GPC5: variants seen among roughly 807,000 people sequenced by gnomAD.
GPC5 encodes the protein glypican 5.
GPC5 carries 47 observed loss-of-function variants against 53.9 expected under a neutral mutation model. The ratio of observed to expected loss-of-function variants is 0.87; its 90% CI spans 0.69 to 1.11. GPC5 has a LOEUF of 1.11. GPC5 is among the 50% of genes most tolerant of loss of function. The pLI is 0.00. For synonymous variants in GPC5, 286 were observed against 263.3 expected (o/e 1.09, Z -0.84); for missense variants, 748 against 713.1 (o/e 1.05, Z -0.56).
At chr13:91,689,184 A>AATATATATATATATAT (rs1169911890) in intron 2 of GPC5, among the ~76,000 whole-genome samples, 2 of 49,588 alleles carry the variant, frequency 4.0e-5, no homozygotes, top group Non-Finnish European at 7.6e-5. Context: ...ATCATATATA[A>AATATATATATATATAT]ATATATATAT....
At chr13:91,922,397 C>T (rs9515990) in intron 6 of GPC5, among the ~76,000 whole-genome samples, 101,021 of 151,930 alleles carry the variant, frequency 0.66, 33,950 homozygotes, top group African/African-American at 0.74. Flanking sequence ...CTTCTAATTG[C>T]TCCCCTTGTC....
At chr13:92,230,515 A>G (rs2042522199) in intron 7 of GPC5, among the ~76,000 whole-genome samples, 2 of 152,166 alleles carry the variant, frequency 1.3e-5, no homozygotes, top group Admixed American at 1.3e-4. Context: ...CTACTTCTTG[A>G]CAAATTTTAA....
At position 92,499,874 on chromosome 13, in the gene GPC5, C is replaced by A. The variant is rs569478477; in HGVS notation, c.1561+354885C>A. 9.9e-5 allele frequency among the ~76,000 whole-genome samples: 15 copies of A among 152,220 alleles called. No homozygotes were observed. The East Asian group carries it at 2.7e-3, about 27-fold the overall frequency. The stretch of plus-strand genomic sequence containing the variant: ...CTTTGACTCAATTTTTACCTACATG[C>A]AACTATGAATCAAACTTTATCCATC... On this transcript the variant is annotated intron_variant, in intron 7 of 7. Coordinates refer to ENST00000377067, the MANE Select transcript of GPC5 (RefSeq NM_004466.6).
intron 2 of GPC5, among the ~76,000 whole-genome samples, chr13:91,571,886 C>CGTGTGTGTATATATACACACATATACGT (rs138515249): frequency 1.5e-5 from 1 of 64,982 alleles, no homozygotes; most frequent in African/African-American, 1.3e-4. Flanking sequence ...CACACATATA[C>CGTGTGTGTATATATACACACATATACGT]GTGTGTATAT....
intron 2 of GPC5, among the ~76,000 whole-genome samples, chr13:91,527,272 G>A (rs1476413120): frequency 6.6e-6 from 1 of 152,224 alleles, no homozygotes; most frequent in Non-Finnish European, 1.5e-5. Context: ...TACAGGCATT[G>A]GGTAAATGTT....
intron 7 of GPC5, among the ~76,000 whole-genome samples, chr13:92,719,146 A>G (rs1280735796): frequency 6.6e-6 from 1 of 151,870 alleles, no homozygotes; most frequent in Admixed American, 6.6e-5. Flanking sequence ...ATGTATTTGA[A>G]ATACATAGAT....
At position 91,775,414 on chromosome 13, in the gene GPC5, A is replaced by G. The variant is rs567084911; in HGVS notation, c.1280+18994A>G. Among the ~76,000 whole-genome samples, 8 of 151,984 alleles carry G rather than the reference A, an allele frequency of 5.3e-5. No homozygotes were observed. The South Asian group carries it at 1.7e-3, about 32-fold the overall frequency. ...CAGATTCCTAACCTATCGATCTGCT[A>G]CCTCCCTTGCAAACTAATTCCCCAC... is the stretch of plus-strand genomic sequence containing the variant. On this transcript the variant is annotated intron_variant, in intron 5 of 7. Coordinates refer to ENST00000377067, the MANE Select transcript of GPC5 (RefSeq NM_004466.6).
At chr13:91,815,423 A>G (rs1487206875) in intron 5 of GPC5, among the ~76,000 whole-genome samples, 2 of 152,176 alleles carry the variant, frequency 1.3e-5, no homozygotes, top group African/African-American at 2.4e-5. Flanking sequence ...AAAGCAATTT[A>G]TACTGTTTAC....
intron 2 of GPC5, among the ~76,000 whole-genome samples, chr13:91,655,418 T>A (rs895546354): frequency 6.6e-6 from 1 of 152,148 alleles, no homozygotes; most frequent in Non-Finnish European, 1.5e-5. Flanking sequence ...GTTGTATGTG[T>A]AATGTTATTC....
At chr13:92,471,904 T>C (rs1878928339) in intron 7 of GPC5, among the ~76,000 whole-genome samples, 1 of 152,102 alleles carries the variant, frequency 6.6e-6, no homozygotes, top group African/African-American at 2.4e-5. Context: ...CTCGCCACAA[T>C]AGGTGGTTCT....
At chr13:91,872,077 C>T (rs1041887104) in intron 5 of GPC5, among the ~76,000 whole-genome samples, 1 of 152,026 alleles carries the variant, frequency 6.6e-6, no homozygotes, top group Admixed American at 6.6e-5. Flanking sequence ...TGGAGTCCCT[C>T]ATCTCTCTGG....
chr13:92,606,087 T>C (rs1000461924), intron 7 of GPC5, among the ~76,000 whole-genome samples: 2 of 151,932 alleles, frequency 1.3e-5, no homozygotes, highest in African/African-American at 4.8e-5. Context: ...TTTATCTTTC[T>C]TTTTTTTATT....
At chr13:92,337,250 T>C (rs981312978) in intron 7 of GPC5, among the ~76,000 whole-genome samples, 1 of 149,208 alleles carries the variant, frequency 6.7e-6, no homozygotes, top group African/African-American at 2.5e-5. Context: ...ATCTTCAAGA[T>C]CTATCTGAGG....
At chr13:91,613,599 T>C (rs1219023142) in intron 2 of GPC5, among the ~76,000 whole-genome samples, 1 of 152,000 alleles carries the variant, frequency 6.6e-6, no homozygotes, top group Admixed American at 6.6e-5. Flanking sequence ...ATCTGGAAAA[T>C]TGAAGATTTT....
At chr13:91,964,053 C>T (rs897191588) in intron 6 of GPC5, among the ~76,000 whole-genome samples, 5 of 152,062 alleles carry the variant, frequency 3.3e-5, no homozygotes, top group African/African-American at 4.8e-5. Context: ...CATGGACTCT[C>T]GCGGTGTTAC....
intron 7 of GPC5, among the ~76,000 whole-genome samples, chr13:92,550,721 A>C (rs1882283327): frequency 6.6e-6 from 1 of 151,868 alleles, no homozygotes; most frequent in African/African-American, 2.4e-5. Flanking sequence ...TTTATGTAAA[A>C]ACTACTTGAT....
At chr13:92,380,461 G>C (rs2043729559) in intron 7 of GPC5, among the ~76,000 whole-genome samples, 1 of 152,012 alleles carries the variant, frequency 6.6e-6, no homozygotes, top group Non-Finnish European at 1.5e-5. Context: ...GTTCCTTAAT[G>C]CTCTTTAGAA....
chr13:91,745,284 T>G (rs2037024058), intron 4 of GPC5, among the ~76,000 whole-genome samples: 1 of 152,070 alleles, frequency 6.6e-6, no homozygotes. Flanking sequence ...GGTAATGTGT[T>G]GGGTTTGGAA....
At chr13:92,514,972 C>G (rs548383045) in intron 7 of GPC5, among the ~76,000 whole-genome samples, 1 of 151,994 alleles carries the variant, frequency 6.6e-6, no homozygotes, top group Non-Finnish European at 1.5e-5. Context: ...TCCACAGAAA[C>G]GCAGGGAGAT....
Sources: gnomAD v4.1 joint callset for allele counts (sites outside exome capture counted in the v4.1 genomes callset) on GRCh38, gnomAD v4.1.1 for gene constraint, MANE v1.5 for transcripts, NCBI Gene and HGNC (gene_info 2026-07-23, HGNC 2026-07-21) for gene names.